Variants in PIK3R6 observed in about 807,000 individuals in gnomAD.
The protein encoded by PIK3R6 is phosphoinositide-3-kinase regulatory subunit 6, also known as phosphoinositide 3-kinase regulatory subunit 6.
A neutral mutation model predicts 84.9 loss-of-function variants in PIK3R6; 91 were observed. That is an observed-to-expected ratio of 1.07 (90% CI 0.90 to 1.28). The LOEUF is 1.28. PIK3R6 is among the 50% of genes most tolerant of loss of function. The pLI is 0.00. For synonymous variants in PIK3R6, 416 were observed against 411.4 expected (o/e 1.01, Z -0.13); for missense variants, 996 against 985.1 (o/e 1.01, Z -0.15).
chr17:8,804,690 G>C (rs186818359), intron 18 of PIK3R6, among the ~76,000 whole-genome samples: 1 of 152,198 alleles, frequency 6.6e-6, no homozygotes, highest in Admixed American at 6.5e-5. Flanking sequence ...TGACCTGAGG[G>C]AGCAGCTCCA....
At position 8,844,626 on chromosome 17, in the gene PIK3R6, AT is replaced by A. The variant is rs752468834; in HGVS notation, c.14-4930del. 2.6e-5 allele frequency among the ~76,000 whole-genome samples: 4 copies of A among 151,934 alleles called. No individual in the cohort carries two copies. Among genetic ancestry groups the A allele is most frequent in the East Asian group, 1.9e-4 (1 of 5,198 alleles). ...TAATATTAAACTTTTTTTATTTAAA[AT>A]TTTTTTAACTTTTATTTTAGGTTCA... On this transcript the variant is annotated intron_variant, in intron 2 of 19. Transcript: ENST00000619866. The surrounding 1 kb of genome is among the most constrained non-coding windows in gnomAD (Gnocchi z 4.5).
chr17:8,858,401 C>T (rs2089195701), intron 1 of PIK3R6, among the ~76,000 whole-genome samples: 2 of 150,448 alleles, frequency 1.3e-5, no homozygotes, highest in Admixed American at 1.3e-4. Flanking sequence ...ACTGCAACCT[C>T]CGCCTCCTGG....
At chr17:8,825,264 C>T (rs1188689268) in intron 13 of PIK3R6, among the ~76,000 whole-genome samples, 2 of 152,162 alleles carry the variant, frequency 1.3e-5, no homozygotes, top group Admixed American at 1.3e-4. Context: ...TGCTAATTCT[C>T]CCCAAATTTC....
rs1410763869 is a variant in PIK3R6 at position 8,803,360 on chromosome 17, C to T, written c.2178G>A (p.Leu726=). 4 of 1,613,630 alleles carry T rather than the reference C, an allele frequency of 2.5e-6. No individual in the cohort carries two copies. The highest frequency in any genetic ancestry group is 3.4e-6 in the Non-Finnish European group (4 of 1,179,800). ...TTGCTTCCACCTCCTGTTGCCCATGCAAATTGAGCCACGGTGCCTTGGACT... is the reference window on the plus strand; with the variant it reads ...TTGCTTCCACCTCCTGTTGCCCATGTAAATTGAGCCACGGTGCCTTGGACT... ...AQKSKAPWLN[L]HGQQEVEAIK... Residue 726 remains leucine (L), a synonymous_variant, in exon 20 of 20, where the codon TTG becomes TTA. Transcript: ENST00000619866. This position sits in a 1 kb window ranked among gnomAD's most constrained non-coding sequence, Gnocchi z 5.0.
At chr17:8,819,761 T>C (rs1328958316) in intron 17 of PIK3R6, among the ~76,000 whole-genome samples, 1 of 147,742 alleles carries the variant, frequency 6.8e-6, no homozygotes, top group Admixed American at 6.8e-5. Flanking sequence ...TACACACGTA[T>C]ATATGTATAT....
chr17:8,824,316 T>C (rs1164280865), intron 13 of PIK3R6, among the ~76,000 whole-genome samples: 1 of 152,236 alleles, frequency 6.6e-6, no homozygotes, highest in African/African-American at 2.4e-5. Flanking sequence ...GGGAATGGAC[T>C]ATGCGTCTTG....
At chr17:8,822,050 GTCT>G in intron 16 of PIK3R6, 114 bp from the exon 17 acceptor site, 4 of 522,358 alleles carry the variant, frequency 7.7e-6, no homozygotes, top group Non-Finnish European at 9.6e-6. Flanking sequence ...TGCTGTGAGA[GTCT>G]TTTTTTTTTT....
rs766049447 is a variant in PIK3R6, at chr17:8,867,537, G to T, written c.-100C>A. On this transcript the variant is annotated 5_prime_UTR_variant, in exon 1 of 20. Transcript: ENST00000619866. ...TCCAAGCCAGCACTTACCTTGGTTC[G>T]GTGGCAGCTTCTGGGCTCCCCAAGT... The T allele has an allele frequency of 4.1e-6, 2 of 485,418 alleles. No individual in the cohort carries two copies. Among genetic ancestry groups the T allele is most frequent in the African/African-American group, 2.0e-5 (1 of 51,136 alleles). The allele number at this position is 485,418 out of a possible 1,614,324, so 30.1% of individuals were successfully genotyped here. A position where few individuals can be genotyped will look rare whatever the true frequency, so the allele number is the denominator to read the frequency against.
chr17:8,832,992 C>G lies in PIK3R6; in HGVS notation c.699G>C (p.Leu233Phe). 1 of 1,611,426 alleles carries G rather than the reference C, an allele frequency of 6.2e-7. No individual in the cohort carries two copies. Among genetic ancestry groups the G allele is most frequent in the Non-Finnish European group, 8.5e-7 (1 of 1,179,574 alleles). ...EHYFHAVVAA[L>F]EQMASEASPS... ...GGCTGGCCTCGCTGGCCATCTGCTC[C>G]AAGGCGGCCACCACGGCGTGGAAAT... Residue 233 changes from leucine (L) to phenylalanine (F), a missense_variant, in exon 9 of 20, where the codon TTG becomes TTC. Leu to Phe is a conservative substitution (Grantham distance 22). Coordinates refer to ENST00000619866, the MANE Select transcript of PIK3R6 (RefSeq NM_001010855.4).
In PIK3R6 at chr17:8,840,318, T is replaced by TCCAAATATGTATATGAAATATATAC. The variant is rs1567601724; in HGVS notation, c.14-622_14-621insGTATATATTTCATATACATATTTGG. 1.4e-3 allele frequency among the ~76,000 whole-genome samples: 120 copies of TCCAAATATGTATATGAAATATATAC among 86,510 alleles called. 3 individuals are homozygous for TCCAAATATGTATATGAAATATATAC. Among genetic ancestry groups the TCCAAATATGTATATGAAATATATAC allele is most frequent in the Non-Finnish European group, 2.2e-3 (87 of 38,672 alleles). 56.8% of individuals were successfully genotyped at this position (86,510 alleles called of 152,430 possible). A position where few individuals can be genotyped will look rare whatever the true frequency, so the allele number is the denominator to read the frequency against. ...TACAAATATGTATATGAAATATATA[T>TCCAAATATGTATATGAAATATATAC]AGCCTCCAAATATGTATATGAAATA... On this transcript the variant is annotated intron_variant, in intron 2 of 19. Coordinates refer to ENST00000619866, the MANE Select transcript of PIK3R6 (RefSeq NM_001010855.4).
At chr17:8,865,364 G>A (rs531884812) in intron 1 of PIK3R6, among the ~76,000 whole-genome samples, 130 of 152,320 alleles carry the variant, frequency 8.5e-4, no homozygotes, top group African/African-American at 3.0e-3. Flanking sequence ...CAGAAAAGAT[G>A]TGGAGCTTCC....
chr17:8,849,920 G>C, intron 1 of PIK3R6, 35 bp from the exon 2 acceptor site: 2 of 1,320,882 alleles, frequency 1.5e-6, no homozygotes, highest in Non-Finnish European at 2.1e-6. Context: ...AGTGGAAGCA[G>C]TGGGAAGGTG....
In PIK3R6 at chr17:8,804,170, G is replaced by T; in HGVS notation, c.1996-17C>A. The T allele has an allele frequency of 1.3e-6, 2 of 1,595,610 alleles. No individual in the cohort carries two copies. Among genetic ancestry groups the T allele is most frequent in the Non-Finnish European group, 1.7e-6 (2 of 1,163,536 alleles). Reference sequence around the variant, plus strand: ...GGTCACTGTCTGCAGCACAGAGATCGCACGTGTGAGTGTTGCCTTTGCTCG... The same window carrying T: ...GGTCACTGTCTGCAGCACAGAGATCTCACGTGTGAGTGTTGCCTTTGCTCG... On this transcript the variant is annotated splice_polypyrimidine_tract_variant and intron_variant, in intron 18 of 19. Transcript: ENST00000619866.
rs1275838284 is a variant in PIK3R6, at chr17:8,839,712, G to C, written c.14-15C>G. 6.4e-7 allele frequency: 1 copy of C among 1,557,414 alleles called. No homozygotes were observed. Among genetic ancestry groups the C allele is most frequent in the East Asian group, 2.4e-5 (1 of 41,794 alleles). ...CAGCTCCACATCTGGGCAGTGGTAG[G>C]GGTGGGAGGAAACTCAGTCCACTGA... On this transcript the variant is annotated splice_polypyrimidine_tract_variant and intron_variant, in intron 2 of 19. Coordinates refer to ENST00000619866, the MANE Select transcript of PIK3R6 (RefSeq NM_001010855.4). The surrounding 1 kb of genome is among the most constrained non-coding windows in gnomAD (Gnocchi z 4.2).
At chr17:8,817,975 G>A (rs2087598936) in intron 18 of PIK3R6, among the ~76,000 whole-genome samples, 1 of 151,840 alleles carries the variant, frequency 6.6e-6, no homozygotes, top group African/African-American at 2.4e-5. Context: ...AGGCTAAGCG[G>A]AAGGAGCAGT....
At chr17:8,867,162 C>T (rs940132348) in intron 1 of PIK3R6, among the ~76,000 whole-genome samples, 6 of 152,188 alleles carry the variant, frequency 3.9e-5, no homozygotes, top group Non-Finnish European at 8.8e-5. Context: ...CAGTCAACCT[C>T]TAAATGCTGG....
At chr17:8,852,328 A>G (rs2088990739) in intron 1 of PIK3R6, among the ~76,000 whole-genome samples, 1 of 152,256 alleles carries the variant, frequency 6.6e-6, no homozygotes, top group South Asian at 2.1e-4. Context: ...CCACACTTAC[A>G]TGCAAATATC....
At chr17:8,818,827 G>C (rs947342250) in intron 18 of PIK3R6, among the ~76,000 whole-genome samples, 1 of 152,120 alleles carries the variant, frequency 6.6e-6, no homozygotes, top group Non-Finnish European at 1.5e-5. Context: ...TATGTCTTGG[G>C]TCCTCAAATG....
At chr17:8,821,809 TTC>T in intron 17 of PIK3R6, 35 bp downstream of exon 17, 1 of 1,545,622 alleles carries the variant, frequency 6.5e-7, no homozygotes, top group Non-Finnish European at 8.8e-7. Context: ...TTCTCATCTC[TTC>T]TCTCTTTCTT....
Sources: gnomAD v4.1 joint callset for allele counts (sites outside exome capture counted in the v4.1 genomes callset) on GRCh38, gnomAD v4.1.1 for gene constraint, Gnocchi (gnomAD v3.1) non-coding constraint, MANE v1.5 for transcripts, NCBI Gene and HGNC (gene_info 2026-07-23, HGNC 2026-07-21) for gene names.